The following SHISA6 variants were observed in gnomAD, a reference collection of about 807,000 sequenced individuals.
The protein encoded by SHISA6 is protein shisa-6.
SHISA6 carries 22 observed loss-of-function variants against 47.9 expected under a neutral mutation model. The observed-to-expected ratio is 0.46, with a 90% CI of 0.33 to 0.66. The LOEUF (loss-of-function observed/expected upper bound fraction) is 0.66, where lower values mean the gene tolerates loss of function less well. SHISA6 is among the 30% of genes least tolerant of loss of function. The probability of loss-of-function intolerance (pLI) is 0.02; values close to 1 mark genes in which losing one functional copy is unlikely to be tolerated. For missense variants in SHISA6, 680 were observed against 764.6 expected (o/e 0.89, Z 1.30); for synonymous variants, 388 against 337.8 (o/e 1.15, Z -1.63).
intron 3 of SHISA6, among the ~76,000 whole-genome samples, chr17:11,399,571 G>A (rs1913694259): frequency 6.6e-6 from 1 of 152,094 alleles, no homozygotes; most frequent in African/African-American, 2.4e-5. Flanking sequence ...AGAGGTGCCT[G>A]CCACCACACC....
At chr17:11,524,053 G>GAAGA (rs369563476) in intron 3 of SHISA6, among the ~76,000 whole-genome samples, 1 of 149,322 alleles carries the variant, frequency 6.7e-6, no homozygotes, top group Non-Finnish European at 1.5e-5. Context: ...GAAAGAAAAA[G>GAAGA]AAGAAAGAAA....
intron 3 of SHISA6, among the ~76,000 whole-genome samples, chr17:11,468,362 A>T (rs1915859841): frequency 6.6e-6 from 1 of 151,904 alleles, no homozygotes; most frequent in African/African-American, 2.4e-5. Context: ...CAAGGTCCAG[A>T]TTTTGTAAGC....
chr17:11,359,568 T>C (rs531925720), intron 2 of SHISA6, among the ~76,000 whole-genome samples: 1 of 152,342 alleles, frequency 6.6e-6, no homozygotes, highest in East Asian at 1.9e-4. Context: ...GGATTGCGTG[T>C]GACTTTGAAG....
At chr17:11,511,248 A>G (rs2071539052) in intron 3 of SHISA6, among the ~76,000 whole-genome samples, 1 of 152,134 alleles carries the variant, frequency 6.6e-6, no homozygotes, top group Non-Finnish European at 1.5e-5. Context: ...GAACACATGG[A>G]CACAGGGAGG....
intron 2 of SHISA6, among the ~76,000 whole-genome samples, chr17:11,277,280 T>TCTCTCTCTCTCTCTCACACACA (rs1386997909): frequency 3.2e-4 from 17 of 53,918 alleles, no homozygotes; most frequent in East Asian, 1.8e-3. Context: ...TCTCTCTCTC[T>TCTCTCTCTCTCTCTCACACACA]CACACACACA....
At chr17:11,393,765 T>C (rs1365850750) in intron 3 of SHISA6, among the ~76,000 whole-genome samples, 3 of 152,188 alleles carry the variant, frequency 2.0e-5, no homozygotes, top group Non-Finnish European at 2.9e-5. Flanking sequence ...CAAACAAGGC[T>C]CTACATCATC....
chr17:11,558,355 C>A lies in SHISA6; in HGVS notation c.*51C>A. ...GGGCGTGGCAGAGCAGAGCGGGGGC[C>A]GGGAGGGGCCAGGAGCAGAGCTTCT... On this transcript the variant is annotated 3_prime_UTR_variant, in exon 6 of 6. Coordinates refer to ENST00000441885, the MANE Select transcript of SHISA6 (RefSeq NM_207386.4). 2 of 1,498,852 alleles carry A rather than the reference C, an allele frequency of 1.3e-6. No homozygotes were observed. The highest frequency in any genetic ancestry group is 1.8e-6 in the Non-Finnish European group (2 of 1,122,022). The allele number at this position is 1,498,852 out of a possible 1,614,324, so 92.8% of individuals were successfully genotyped here.
At chr17:11,465,454 G>A (rs1915786747) in intron 3 of SHISA6, among the ~76,000 whole-genome samples, 1 of 152,104 alleles carries the variant, frequency 6.6e-6, no homozygotes, top group Non-Finnish European at 1.5e-5. Context: ...CTGGTCTGGA[G>A]TGCAGTGGTG....
At position 11,263,431 on chromosome 17, in the gene SHISA6, T is replaced by C; in HGVS notation, c.704T>C (p.Ile235Thr). The change falls in exon 2 of 6, where the codon ATC becomes ACC. Residue 235 changes from isoleucine to threonine, a missense_variant. Physicochemically the swap from Ile to Thr is moderately conservative, Grantham distance 89. Around this residue, in one of 2 missense-constraint regions of SHISA6, gnomAD observed 559 missense variants for 674.1 expected, o/e 0.83. Coordinates refer to ENST00000441885, the MANE Select transcript of SHISA6 (RefSeq NM_207386.4). ...ATAGCACACTGTGAAAGAGAAACTA[T>C]CTCGGCTATCGATACCTCTCCCAAA... The part of the protein sequence containing the change: ...IPIAHCERET[I>T]SAIDTSPKEN... 3.2e-6 allele frequency: 5 copies of C among 1,551,948 alleles called. No individual in the cohort carries two copies. The highest frequency in any genetic ancestry group is 4.4e-6 in the Non-Finnish European group (5 of 1,147,078).
chr17:11,278,547 G>A (rs537807876), intron 2 of SHISA6, among the ~76,000 whole-genome samples: 3 of 152,218 alleles, frequency 2.0e-5, no homozygotes, highest in African/African-American at 7.2e-5. Context: ...ATTTGTGAAA[G>A]TTTAGCCAGA....
intron 2 of SHISA6, among the ~76,000 whole-genome samples, chr17:11,316,622 A>G (rs1266001876): frequency 1.3e-5 from 2 of 151,794 alleles, no homozygotes; most frequent in Non-Finnish European, 1.5e-5. Context: ...GGGTTTCACC[A>G]TCTTAGCCAG....
intron 2 of SHISA6, among the ~76,000 whole-genome samples, chr17:11,376,255 A>G (rs1407345689): frequency 6.6e-6 from 1 of 152,124 alleles, no homozygotes; most frequent in Non-Finnish European, 1.5e-5. Flanking sequence ...TGCATCACCA[A>G]GGAAAAGAAG....
At chr17:11,338,471 G>A (rs557693914) in intron 2 of SHISA6, among the ~76,000 whole-genome samples, 5 of 152,108 alleles carry the variant, frequency 3.3e-5, no homozygotes, top group South Asian at 4.2e-4. Flanking sequence ...GCATGATCTC[G>A]GCTCACTGCA....
intron 2 of SHISA6, among the ~76,000 whole-genome samples, chr17:11,327,999 G>A (rs1910964832): frequency 6.6e-6 from 1 of 151,804 alleles, no homozygotes; most frequent in South Asian, 2.1e-4. Context: ...ATTAAAAAAT[G>A]TATATATTTT....
At chr17:11,535,953 CAT>C (rs1273461243) in intron 3 of SHISA6, among the ~76,000 whole-genome samples, 1 of 151,528 alleles carries the variant, frequency 6.6e-6, no homozygotes, top group East Asian at 1.9e-4. Flanking sequence ...TATATATACA[CAT>C]ATAGACATAT....
intron 3 of SHISA6, among the ~76,000 whole-genome samples, chr17:11,449,976 C>T (rs1915341472): frequency 6.6e-6 from 1 of 152,190 alleles, no homozygotes; most frequent in South Asian, 2.1e-4. Context: ...GCTCCGCCTC[C>T]TGGGTTCACG....
At chr17:11,409,198 T>G (rs1914044584) in intron 3 of SHISA6, among the ~76,000 whole-genome samples, 1 of 152,202 alleles carries the variant, frequency 6.6e-6, no homozygotes, top group Non-Finnish European at 1.5e-5. Context: ...CCAGTACAAT[T>G]TCTAAAAGAC....
chr17:11,371,394 T>G (rs888459871), intron 2 of SHISA6, among the ~76,000 whole-genome samples: 10 of 152,122 alleles, frequency 6.6e-5, no homozygotes, highest in Non-Finnish European at 1.3e-4. Context: ...CCCTTGACTC[T>G]TTATGGCCTG....
chr17:11,454,011 AT>A (rs1915468091), intron 3 of SHISA6, among the ~76,000 whole-genome samples: 1 of 152,116 alleles, frequency 6.6e-6, no homozygotes, highest in African/African-American at 2.4e-5. Flanking sequence ...TAGGAGAGGG[AT>A]TGCTGGGTCC....
Sources: allele counts gnomAD v4.1 joint callset (sites outside exome capture counted in the v4.1 genomes callset), GRCh38; gene constraint gnomAD v4.1.1; regional missense constraint gnomAD v4.1.1; transcripts MANE v1.5; gene names NCBI Gene and HGNC (gene_info 2026-07-23, HGNC 2026-07-21).